The following DSCAML1 variants were observed in gnomAD, a reference collection of about 807,000 sequenced individuals.
DSCAML1 encodes cell adhesion molecule DSCAML1.
Under a neutral mutation model 200.5 loss-of-function variants are expected in DSCAML1, and 38 were observed. The observed-to-expected ratio is 0.19, with a 90% CI of 0.15 to 0.25. The LOEUF (loss-of-function observed/expected upper bound fraction) is 0.25, where lower values mean the gene tolerates loss of function less well. Ranked by LOEUF, DSCAML1 falls within the 10% of genes least tolerant of loss-of-function variation. The pLI, the probability that DSCAML1 is intolerant of heterozygous loss-of-function variation, is 1.00. For synonymous variants in DSCAML1, 1,215 were observed against 1,165.0 expected (o/e 1.04, Z -0.87); for missense variants, 2,223 against 2,858.8 (o/e 0.78, Z 5.07).
At chr11:117,473,760 C>T (rs552546027) in intron 14 of DSCAML1, among the ~76,000 whole-genome samples, 1 of 152,288 alleles carries the variant, frequency 6.6e-6, no homozygotes, top group Admixed American at 6.5e-5. Context: ...TGCTCAAAAA[C>T]ACATTATTTT....
At chr11:117,778,235 C>T (rs1312998214) in intron 2 of DSCAML1, among the ~76,000 whole-genome samples, 1 of 152,224 alleles carries the variant, frequency 6.6e-6, no homozygotes, top group Non-Finnish European at 1.5e-5. Context: ...GCACTGGTGG[C>T]TCTGTGGATC....
At chr11:117,574,418 G>T (rs1020623716) in intron 3 of DSCAML1, among the ~76,000 whole-genome samples, 6 of 152,230 alleles carry the variant, frequency 3.9e-5, no homozygotes, top group Non-Finnish European at 7.3e-5. Flanking sequence ...GAGCTGAGCT[G>T]TCATGGTTTG....
chr11:117,768,471 A>G (rs2134029821), intron 3 of DSCAML1, among the ~76,000 whole-genome samples: 1 of 152,128 alleles, frequency 6.6e-6, no homozygotes, highest in Admixed American at 6.5e-5. Context: ...CTAGCTTACC[A>G]CCTCTAGCCC....
chr11:117,810,246 C>T (rs2055749949), intron 1 of DSCAML1, among the ~76,000 whole-genome samples: 1 of 151,290 alleles, frequency 6.6e-6, no homozygotes. Context: ...GGACCCAAAA[C>T]TCCGTGGACT....
intron 3 of DSCAML1, among the ~76,000 whole-genome samples, chr11:117,715,494 A>G (rs1213577578): frequency 6.6e-6 from 1 of 152,232 alleles, no homozygotes; most frequent in Non-Finnish European, 1.5e-5. Flanking sequence ...ACTATGTGCC[A>G]GGAACTGTGC....
chr11:117,649,041 A>ATATATATG (rs768621807), intron 3 of DSCAML1, among the ~76,000 whole-genome samples: 76 of 137,930 alleles, frequency 5.5e-4, no homozygotes, highest in Non-Finnish European at 8.5e-4. Flanking sequence ...CTCCATATAT[A>ATATATATG]TGTGTGTGTG....
Position 117,518,834 on chromosome 11 carries a change from CA to C in DSCAML1, c.1214-73del. 6.7e-7 allele frequency: 1 copy of C among 1,495,750 alleles called. No homozygotes were observed. Among genetic ancestry groups the C allele is most frequent in the Non-Finnish European group, 8.9e-7 (1 of 1,127,216 alleles). The allele number at this position is 1,495,750 out of a possible 1,614,324, so 92.7% of individuals were successfully genotyped here. ...GACGGTCCCCCCAGCCACCCCACCT[CA>C]GCAGGGGAGGAGGCAAAAAGCAGCC... On this transcript the variant is annotated intron_variant, in intron 6 of 32. Transcript: ENST00000651296. This position sits in a 1 kb window ranked among gnomAD's most constrained non-coding sequence, Gnocchi z 6.3.
At chr11:117,593,301 C>T (rs911643998) in intron 3 of DSCAML1, among the ~76,000 whole-genome samples, 2 of 152,338 alleles carry the variant, frequency 1.3e-5, no homozygotes, top group African/African-American at 4.8e-5. Flanking sequence ...CCCACCCTGA[C>T]CTCTTGCAAA....
chr11:117,684,435 TAAAAA>T (rs149958154), intron 3 of DSCAML1, among the ~76,000 whole-genome samples: 2 of 74,596 alleles, frequency 2.7e-5, no homozygotes, highest in Non-Finnish European at 2.8e-5. Flanking sequence ...TTTCATTAAC[TAAAAA>T]AAAAAAAAAA....
Position 117,458,790 on chromosome 11 carries a change from G to T in DSCAML1, c.3532C>A (p.Arg1178Ser). ...GTCTGGATGTAGAGCACACTGCTGC[G>T]TACGCCGTCCCCAGCCTGGGTGTAG... is the stretch of plus-strand genomic sequence containing the variant. Reference protein sequence around the residue: ...LAYTQAGDGVRSSVLYIQTKE... With the variant: ...LAYTQAGDGVSSSVLYIQTKE... The change falls in exon 19 of 33, where the codon CGC becomes AGC. Residue 1178 changes from arginine (R) to serine (S), a missense_variant. Around this residue, in one of 7 missense-constraint regions of DSCAML1, gnomAD observed 438 missense variants for 629.7 expected, o/e 0.70. Transcript: ENST00000651296. The T allele has an allele frequency of 6.2e-7, 1 of 1,613,848 alleles. No homozygotes were observed.
At chr11:117,659,184 GTTTCTTTTGTGCTTAA>G in intron 3 of DSCAML1, among the ~76,000 whole-genome samples, 1 of 152,324 alleles carries the variant, frequency 6.6e-6, no homozygotes, top group East Asian at 1.9e-4. Context: ...GGAAGACGGT[GTTTCTTTTGTGCTTAA>G]TTTATTTTCC....
chr11:117,627,463 C>T (rs1185964701), intron 3 of DSCAML1, among the ~76,000 whole-genome samples: 3 of 152,110 alleles, frequency 2.0e-5, no homozygotes, highest in East Asian at 1.9e-4. Flanking sequence ...AGTACAATGC[C>T]GGGAGAGGTG....
intron 3 of DSCAML1, among the ~76,000 whole-genome samples, chr11:117,745,942 C>G (rs532471401): frequency 6.6e-6 from 1 of 151,942 alleles, no homozygotes; most frequent in Non-Finnish European, 1.5e-5. Context: ...AGGCCAGGCG[C>G]GGTGGCTCAC....
chr11:117,796,093 T>C (rs1025109959), intron 1 of DSCAML1, among the ~76,000 whole-genome samples: 22 of 152,230 alleles, frequency 1.4e-4, no homozygotes, highest in African/African-American at 4.8e-4. Context: ...TACCTGCGCC[T>C]GCCTGGTCCC....
chr11:117,803,958 A>G (rs552681254), intron 1 of DSCAML1, among the ~76,000 whole-genome samples: 130 of 152,338 alleles, frequency 8.5e-4, no homozygotes, highest in African/African-American at 2.7e-3. Context: ...GTGCTGCCGT[A>G]ACGCCTTCCA....
chr11:117,592,477 T>C lies in DSCAML1; in HGVS notation c.512-59955A>G, dbSNP rs555648565. ...CTGAGGGCTGGCTCTGTTTCTTTTC[T>C]TTCTTTGGTGTCTCCTGTGGGGTCT... is the stretch of plus-strand genomic sequence containing the variant. On this transcript the variant is annotated intron_variant, in intron 3 of 32. Transcript: ENST00000651296. Among the ~76,000 whole-genome samples, 7 of 152,168 alleles carry C rather than the reference T, an allele frequency of 4.6e-5. No individual in the cohort carries two copies. The East Asian group carries it at 1.4e-3, about 29-fold the overall frequency.
intron 11 of DSCAML1, among the ~76,000 whole-genome samples, chr11:117,485,677 CTCTT>C (rs1346815683): frequency 6.6e-6 from 1 of 152,250 alleles, no homozygotes; most frequent in Non-Finnish European, 1.5e-5. Context: ...AAGACAGGAG[CTCTT>C]TTTTATAGAA....
intron 12 of DSCAML1, 113 bp downstream of exon 12, chr11:117,481,850 G>A (rs1263854547): frequency 8.2e-6 from 10 of 1,220,526 alleles, no homozygotes; most frequent in Non-Finnish European, 1.0e-5. Flanking sequence ...TTTTTGGGGT[G>A]TGGGGAGGGG....
chr11:117,516,469 T>G lies in DSCAML1; in HGVS notation c.1781A>C (p.Lys594Thr). ...CCTGGCTGGTGAGGGAGGCCTACCT[T>G]TGACGGCTACGTGAACGCTCTGGCT... is the stretch of plus-strand genomic sequence containing the variant. Reference protein sequence around the residue: ...SISQSVHVAVKVPPLIQPFEF... With the variant: ...SISQSVHVAVTVPPLIQPFEF... Residue 594 changes from lysine (K) to threonine (T), a missense_variant and splice_region_variant, in exon 8 of 33, where the codon AAA (lysine) becomes ACA (threonine). Physicochemically the swap from Lys to Thr is moderately conservative, Grantham distance 78. This residue lies in a region of DSCAML1 where 212 missense variants were observed against 368.0 expected (regional missense o/e 0.58). Transcript: ENST00000651296. This position sits in a 1 kb window ranked among gnomAD's most constrained non-coding sequence, Gnocchi z 5.7. 1 of 1,611,560 alleles carries G rather than the reference T, an allele frequency of 6.2e-7. No homozygotes were observed. Among genetic ancestry groups the G allele is most frequent in the Non-Finnish European group, 8.5e-7 (1 of 1,178,342 alleles).
Sources: gnomAD v4.1 joint callset for allele counts (sites outside exome capture counted in the v4.1 genomes callset) on GRCh38, gnomAD v4.1.1 for gene constraint, gnomAD v4.1.1 regional missense constraint, Gnocchi (gnomAD v3.1) non-coding constraint, MANE v1.5 for transcripts, NCBI Gene and HGNC (gene_info 2026-07-23, HGNC 2026-07-21) for gene names.